The following PLEKHG7 variants were observed in gnomAD, a reference collection of about 807,000 sequenced individuals.
The protein encoded by PLEKHG7 is pleckstrin homology and RhoGEF domain containing G7, also known as pleckstrin homology domain-containing family G member 7.
A neutral mutation model predicts 85.2 loss-of-function variants in PLEKHG7; 77 were observed. The observed-to-expected ratio is 0.90, with a 90% confidence interval of 0.75 to 1.09. The LOEUF (loss-of-function observed/expected upper bound fraction) is 1.09, where lower values mean the gene tolerates loss of function less well. Ranked by LOEUF, PLEKHG7 falls within the 50% of genes least tolerant of loss-of-function variation. The pLI, the probability that PLEKHG7 is intolerant of heterozygous loss-of-function variation, is 0.00. For synonymous variants in PLEKHG7, 301 were observed against 302.4 expected (o/e 1.00, Z 0.05); for missense variants, 777 against 804.3 (o/e 0.97, Z 0.41).
chr12:92,704,073 T>C (rs1169551461), intron 1 of PLEKHG7, among the ~76,000 whole-genome samples: 1 of 152,150 alleles, frequency 6.6e-6, no homozygotes, highest in Non-Finnish European at 1.5e-5. Flanking sequence ...AGAACGGCCC[T>C]GATTGTATGT....
chr12:92,742,234 C>A (rs1205622695), intron 9 of PLEKHG7, among the ~76,000 whole-genome samples: 2 of 152,006 alleles, frequency 1.3e-5, no homozygotes, highest in Non-Finnish European at 2.9e-5. Context: ...GAGCCAATAC[C>A]CTGTACACAA....
At chr12:92,749,880 A>G (rs866398295) in intron 10 of PLEKHG7, among the ~76,000 whole-genome samples, 1 of 132,476 alleles carries the variant, frequency 7.5e-6, no homozygotes, top group African/African-American at 2.8e-5. Context: ...ATTTTATTTT[A>G]TTTTTTATTT....
intron 15 of PLEKHG7, among the ~76,000 whole-genome samples, chr12:92,765,495 G>A (rs1000340126): frequency 7.2e-5 from 11 of 152,014 alleles, no homozygotes; most frequent in African/African-American, 2.7e-4. Context: ...CAGGCATGGT[G>A]GCGCACACCT....
chr12:92,741,007 G>C, intron 8 of PLEKHG7, 59 bp downstream of exon 8: 4 of 1,255,078 alleles, frequency 3.2e-6, no homozygotes, highest in Non-Finnish European at 4.6e-6. Flanking sequence ...GAAAATTCAT[G>C]CTTGGTCTGT....
chr12:92,721,817 G>A (rs1480548310), intron 3 of PLEKHG7, among the ~76,000 whole-genome samples: 1 of 150,926 alleles, frequency 6.6e-6, no homozygotes, highest in African/African-American at 2.4e-5. Context: ...GGTGACAATG[G>A]GTTGCCAGCC....
chr12:92,721,439 G>A, intron 3 of PLEKHG7: 1 of 1,230,254 alleles, frequency 8.1e-7, no homozygotes, highest in South Asian at 4.1e-5. Flanking sequence ...GAGACGTTCT[G>A]GTACCAGAAG....
At chr12:92,754,285 A>G in intron 11 of PLEKHG7, 21 bp downstream of exon 11, 1 of 1,609,550 alleles carries the variant, frequency 6.2e-7, no homozygotes, top group Non-Finnish European at 8.5e-7. Context: ...GAGATAAGTG[A>G]GCTTAATTAC....
intron 10 of PLEKHG7, among the ~76,000 whole-genome samples, chr12:92,752,775 T>C (rs1872726042): frequency 6.6e-6 from 1 of 152,146 alleles, no homozygotes; most frequent in Non-Finnish European, 1.5e-5. Context: ...CAACACACCA[T>C]AGACTGGGTG....
intron 5 of PLEKHG7, among the ~76,000 whole-genome samples, chr12:92,733,925 T>C (rs1348629195): frequency 6.6e-6 from 1 of 152,182 alleles, no homozygotes; most frequent in African/African-American, 2.4e-5. Context: ...ATTGAGAAGA[T>C]GGGACTGACA....
At chr12:92,745,633 T>C in intron 10 of PLEKHG7, 42 bp downstream of exon 10, 1 of 1,366,056 alleles carries the variant, frequency 7.3e-7, no homozygotes, top group African/African-American at 1.4e-5. Flanking sequence ...TTGCTGATGC[T>C]TTTTGGGTGT....
rs1426692494 is a variant in PLEKHG7 at position 92,770,236 on chromosome 12, T to C, written c.*41T>C. The C allele has an allele frequency of 2.9e-6, 4 of 1,381,702 alleles. No homozygotes were observed. The highest frequency in any genetic ancestry group is 1.3e-5 in the South Asian group (1 of 79,336). 85.6% of individuals were successfully genotyped at this position (1,381,702 alleles called of 1,614,324 possible). ...GGCATGTCTTTTTAGAAGATTATGG[T>C]TTAAGGTATAATTTCATTCAAAGTT... On this transcript the variant is annotated 3_prime_UTR_variant, in exon 17 of 17. Transcript: ENST00000344636.
At chr12:92,727,088 C>G (rs537593006) in intron 3 of PLEKHG7, among the ~76,000 whole-genome samples, 13 of 152,158 alleles carry the variant, frequency 8.5e-5, no homozygotes, top group Non-Finnish European at 1.9e-4. Flanking sequence ...GCAAGTAAGG[C>G]TGGAAGAGGT....
At chr12:92,748,782 T>C (rs1239392383) in intron 10 of PLEKHG7, among the ~76,000 whole-genome samples, 1 of 152,204 alleles carries the variant, frequency 6.6e-6, no homozygotes, top group East Asian at 1.9e-4. Flanking sequence ...TTCCAATTCC[T>C]TGGGGCTATG....
chr12:92,728,931 G>A (rs1170415378), intron 3 of PLEKHG7, 62 bp from the exon 4 acceptor site: 1 of 1,169,140 alleles, frequency 8.6e-7, no homozygotes, highest in Non-Finnish European at 1.1e-6. Context: ...TTTAAAAATA[G>A]CCATTCTGAG....
intron 3 of PLEKHG7, among the ~76,000 whole-genome samples, chr12:92,716,107 T>TTTTGTTTTGTTTTG (rs374460721): frequency 2.5e-4 from 37 of 150,498 alleles, no homozygotes; most frequent in African/African-American, 9.1e-4. Flanking sequence ...TTTTGTTTTG[T>TTTTGTTTTGTTTTG]TTTTTTTGAG....
chr12:92,750,076 C>G (rs1473194648), intron 10 of PLEKHG7, among the ~76,000 whole-genome samples: 1 of 149,658 alleles, frequency 6.7e-6, no homozygotes, highest in Admixed American at 6.7e-5. Flanking sequence ...GTCACCCAGG[C>G]TGGAATGCAG....
chr12:92,731,617 G>A (rs909602838), intron 4 of PLEKHG7, among the ~76,000 whole-genome samples: 2 of 152,142 alleles, frequency 1.3e-5, no homozygotes, highest in East Asian at 3.8e-4. Context: ...TTTCCTTCCT[G>A]GTCTTCCAAA....
At chr12:92,704,392 G>T (rs762943466) in intron 1 of PLEKHG7, among the ~76,000 whole-genome samples, 1 of 152,128 alleles carries the variant, frequency 6.6e-6, no homozygotes, top group African/African-American at 2.4e-5. Context: ...TGGTAGGGAG[G>T]GACCATTTCA....
chr12:92,745,371 CT>C, intron 9 of PLEKHG7, 106 bp from the exon 10 acceptor site: 1 of 741,004 alleles, frequency 1.3e-6, no homozygotes, highest in South Asian at 1.7e-5. Flanking sequence ...GACTCCTCCA[CT>C]TTTCCCTGTT....
Sources: gnomAD v4.1 joint callset for allele counts (sites outside exome capture counted in the v4.1 genomes callset) on GRCh38, gnomAD v4.1.1 for gene constraint, MANE v1.5 for transcripts, NCBI Gene and HGNC (gene_info 2026-07-23, HGNC 2026-07-21) for gene names.